CBLB: variants seen among roughly 807,000 people sequenced by gnomAD.
CBLB encodes Cbl proto-oncogene B.
Under a neutral mutation model 104.9 loss-of-function variants are expected in CBLB, and 31 were observed. That is an observed-to-expected ratio of 0.30 (90% CI 0.22 to 0.40). The LOEUF (loss-of-function observed/expected upper bound fraction) is 0.40, where lower values mean the gene tolerates loss of function less well. CBLB is among the 10% of genes least tolerant of loss of function. CBLB has a pLI of 1.00. For missense variants in CBLB, 1,062 were observed against 1,214.6 expected, an observed-to-expected ratio of 0.87 and a Z score of 1.87; for synonymous variants, 440 against 422.6, an observed-to-expected ratio of 1.04 and a Z score of -0.51.
chr3:105,719,878 GTAGAAGACAGTGA>G (rs1277289411), intron 10 of CBLB, among the ~76,000 whole-genome samples, 156 bp downstream of exon 10: 4 of 152,146 alleles, frequency 2.6e-5, no homozygotes, highest in Admixed American at 2.6e-4. Flanking sequence ...AGATGTGGAG[GTAGAAGACAGTGA>G]TATTGATGAT....
chr3:105,860,148 T>C (rs2091975248), intron 2 of CBLB, among the ~76,000 whole-genome samples: 1 of 152,232 alleles, frequency 6.6e-6, no homozygotes, highest in African/African-American at 2.4e-5. Context: ...GAACAGTCTT[T>C]CTCATTGGTC....
At chr3:105,817,516 T>C (rs1409720991) in intron 3 of CBLB, among the ~76,000 whole-genome samples, 2 of 152,098 alleles carry the variant, frequency 1.3e-5, no homozygotes, top group Non-Finnish European at 2.9e-5. Context: ...GCACATTAAG[T>C]AGTTCAGAAG....
At chr3:105,788,887 C>A (rs2081319990) in intron 3 of CBLB, among the ~76,000 whole-genome samples, 1 of 152,126 alleles carries the variant, frequency 6.6e-6, no homozygotes, top group African/African-American at 2.4e-5. Flanking sequence ...TAAAAATGCT[C>A]TTGCGTTTAG....
chr3:105,858,480 C>T (rs1328505804), intron 2 of CBLB, among the ~76,000 whole-genome samples: 1 of 152,176 alleles, frequency 6.6e-6, no homozygotes, highest in East Asian at 1.9e-4. Flanking sequence ...TCTAGAAATA[C>T]CTAAATTGCT....
At chr3:105,799,664 A>G (rs2082623887) in intron 3 of CBLB, among the ~76,000 whole-genome samples, 1 of 152,150 alleles carries the variant, frequency 6.6e-6, no homozygotes. Context: ...AAACAATAAA[A>G]TGTTTTTTTA....
chr3:105,850,815 T>C (rs182708477), intron 3 of CBLB, among the ~76,000 whole-genome samples: 3 of 152,148 alleles, frequency 2.0e-5, no homozygotes, highest in South Asian at 2.1e-4. Context: ...CATCCGCAGA[T>C]TCAATCAAAC....
chr3:105,804,275 C>A (rs1331654737), intron 3 of CBLB, among the ~76,000 whole-genome samples: 1 of 150,606 alleles, frequency 6.6e-6, no homozygotes, highest in Non-Finnish European at 1.5e-5. Flanking sequence ...GGTCCCAGCA[C>A]TTTGGGAGGC....
At chr3:105,829,666 CAAAAAAAAAAAAA>C (rs71627689) in intron 3 of CBLB, among the ~76,000 whole-genome samples, 6 of 46,986 alleles carry the variant, frequency 1.3e-4, no homozygotes, top group Non-Finnish European at 2.3e-4. Flanking sequence ...AAGACCGTCC[CAAAAAAAAAAAAA>C]AAAAAAAAAA....
chr3:105,721,994 G>A (rs753414489), intron 9 of CBLB, among the ~76,000 whole-genome samples: 21 of 151,638 alleles, frequency 1.4e-4, no homozygotes, highest in Non-Finnish European at 2.1e-4. Context: ...AGCAAGCTGT[G>A]CCAGCCTGGG....
intron 17 of CBLB, 27 bp downstream of exon 17, chr3:105,678,404 T>C: frequency 1.2e-6 from 2 of 1,610,842 alleles, no homozygotes; most frequent in South Asian, 1.1e-5. Context: ...TTTAAGTGAA[T>C]AGTTTTCTTT....
At chr3:105,784,340 C>T (rs1384588605) in intron 3 of CBLB, among the ~76,000 whole-genome samples, 10 of 152,098 alleles carry the variant, frequency 6.6e-5, no homozygotes, top group Admixed American at 5.9e-4. Context: ...GAGATTCATA[C>T]AGAAGTAACC....
At chr3:105,855,462 TGTA>T (rs1229535698) in intron 2 of CBLB, among the ~76,000 whole-genome samples, 1 of 152,232 alleles carries the variant, frequency 6.6e-6, no homozygotes, top group East Asian at 1.9e-4. Flanking sequence ...ATTTATTTGA[TGTA>T]GTAACCATTT....
At chr3:105,770,623 G>C (rs940258145) in intron 4 of CBLB, among the ~76,000 whole-genome samples, 1 of 152,222 alleles carries the variant, frequency 6.6e-6, no homozygotes, top group Admixed American at 6.5e-5. Context: ...GTTGCGGCAA[G>C]TGGGAAGTGT....
At chr3:105,855,475 T>C (rs2091483471) in intron 2 of CBLB, among the ~76,000 whole-genome samples, 1 of 152,214 alleles carries the variant, frequency 6.6e-6, no homozygotes, top group Admixed American at 6.5e-5. Context: ...AGTAACCATT[T>C]CACTATGTGT....
At chr3:105,717,115 G>T (rs1324332920) in intron 10 of CBLB, among the ~76,000 whole-genome samples, 3 of 152,214 alleles carry the variant, frequency 2.0e-5, no homozygotes, top group Admixed American at 6.5e-5. Flanking sequence ...GGTTGAGACT[G>T]CAACTTTTCC....
At chr3:105,781,871 T>G (rs2080299300) in intron 3 of CBLB, among the ~76,000 whole-genome samples, 1 of 152,196 alleles carries the variant, frequency 6.6e-6, no homozygotes, top group South Asian at 2.1e-4. Flanking sequence ...TAGAACATGC[T>G]CTTCTTAATT....
chr3:105,860,380 G>A (rs1435692315), intron 2 of CBLB, among the ~76,000 whole-genome samples: 2 of 152,156 alleles, frequency 1.3e-5, no homozygotes, highest in African/African-American at 2.4e-5. Context: ...GGAAGTGGAG[G>A]AGGGGAAATG....
At position 105,659,377 on chromosome 3, in the gene CBLB, T is replaced by A. The variant is rs1243932212; in HGVS notation, c.2690-148A>T. On this transcript the variant is annotated intron_variant, in intron 18 of 18. Coordinates refer to ENST00000394030, the MANE Select transcript of CBLB (RefSeq NM_170662.5). ...CTTTTTTTCAATTTTTCCATACTAT[T>A]GTGAGATAGGTAGTATTATCCTCAT... 4 of 826,784 alleles carry A rather than the reference T, an allele frequency of 4.8e-6. No individual in the cohort carries two copies. The Admixed American group carries it at 9.1e-5, about 19-fold the overall frequency. The allele number at this position is 826,784 out of a possible 1,614,324, so 51.2% of individuals were successfully genotyped here. A position where few individuals can be genotyped will look rare whatever the true frequency, so the allele number is the denominator to read the frequency against.
Position 105,698,606 on chromosome 3 carries a change from A to C in CBLB, c.1959+3488T>G, listed in dbSNP as rs1207976814. 3.4e-4 allele frequency among the ~76,000 whole-genome samples: 5 copies of C among 14,642 alleles called. No homozygotes were observed. In the East Asian group the frequency reaches 0.016, roughly 47 times the overall value. The allele number at this position is 14,642 out of a possible 152,430, so 9.6% of individuals were successfully genotyped here. On this transcript the variant is annotated intron_variant, in intron 12 of 18. Coordinates refer to ENST00000394030, the MANE Select transcript of CBLB (RefSeq NM_170662.5). The stretch of plus-strand genomic sequence containing the variant: ...AAGCGGCAGTTTTTACCATTTGACC[A>C]AAAAAAAAAAAAAAAAAAAAGCGCA...
Sources: allele counts gnomAD v4.1 joint callset (sites outside exome capture counted in the v4.1 genomes callset), GRCh38; gene constraint gnomAD v4.1.1; transcripts MANE v1.5; gene names NCBI Gene and HGNC (gene_info 2026-07-23, HGNC 2026-07-21).